The following TAF1 variants were observed in gnomAD, a reference collection of about 807,000 sequenced individuals.
TAF1 encodes the protein transcription initiation factor TFIID subunit 1.
In TAF1, 2 loss-of-function variants were observed where a neutral mutation model predicts 138.5. The ratio of observed to expected loss-of-function variants is 0.01; its 90% CI spans 0.01 to 0.05. The LOEUF (loss-of-function observed/expected upper bound fraction) is 0.05, where lower values mean the gene tolerates loss of function less well. Ranked by LOEUF, TAF1 falls within the 10% of genes least tolerant of loss-of-function variation. The pLI is 1.00. For synonymous variants in TAF1, 437 were observed against 503.2 expected (o/e 0.87, Z 1.76); for missense variants, 709 against 1,478.0 (o/e 0.48, Z 8.53).
In TAF1 at chrX:71,377,206, G is replaced by T. The variant is rs2033538774; in HGVS notation, c.714+15G>T. ...GACCTGGAAAGGTACATTCTGTGGA[G>T]AATGCTCAGATTGCAAACCACTGAC... On this transcript the variant is annotated intron_variant, in intron 5 of 37. Coordinates refer to ENST00000423759, the MANE Select transcript of TAF1 (RefSeq NM_004606.5). The T allele has an allele frequency of 8.3e-7, 1 of 1,209,770 alleles. No individual in the cohort carries two copies. The highest frequency in any genetic ancestry group is 3.0e-5 in the East Asian group (1 of 33,828).
At position 71,460,906 on chromosome X, in the gene TAF1, G is replaced by T. The variant is rs762597822; in HGVS notation, c.5399+103G>T. ...TTTTCATCCATCAAACATTTCCTGG[G>T]CACCTACTAGGGCCAGGCACTGTGC... On this transcript the variant is annotated intron_variant, in intron 37 of 37. Coordinates refer to ENST00000423759, the MANE Select transcript of TAF1 (RefSeq NM_004606.5). 3 of 1,076,136 alleles carry T rather than the reference G, an allele frequency of 2.8e-6. No individual in the cohort carries two copies. In the African/African-American group the frequency reaches 5.5e-5, roughly 20 times the overall value. The allele number at this position is 1,076,136 out of a possible 1,213,427, so 88.7% of individuals were successfully genotyped here. A position where few individuals can be genotyped will look rare whatever the true frequency, so the allele number is the denominator to read the frequency against.
intron 13 of TAF1, among the ~76,000 whole-genome samples, chrX:71,489,590 C>T (rs2039238187): frequency 9.2e-6 from 1 of 109,228 alleles, no homozygotes; most frequent in South Asian, 4.0e-4. Flanking sequence ...GCAGGAGAGT[C>T]GCTTGAACCA....
intron 14 of TAF1, among the ~76,000 whole-genome samples, chrX:71,386,752 A>G (rs1369633553): frequency 8.8e-6 from 1 of 113,004 alleles, no homozygotes; most frequent in Non-Finnish European, 1.9e-5. Context: ...GGCATGAGTC[A>G]CTGTGCCCGG....
chrX:71,407,833 G>A (rs2035554974), intron 27 of TAF1, 141 bp from the exon 28 acceptor site: 1 of 971,234 alleles, frequency 1.0e-6, no homozygotes, highest in Non-Finnish European at 1.4e-6. Context: ...AAGCAGTTTA[G>A]TAGAGGAAAC....
intron 13 of TAF1, among the ~76,000 whole-genome samples, chrX:71,523,989 T>A (rs2039949503): frequency 9.1e-6 from 1 of 110,258 alleles, no homozygotes; most frequent in South Asian, 3.8e-4. Context: ...TCTGCATCAA[T>A]TTGAGAACAA....
intron 34 of TAF1, among the ~76,000 whole-genome samples, chrX:71,456,067 A>T (rs1305301058): frequency 8.9e-6 from 1 of 111,892 alleles, no homozygotes; most frequent in Non-Finnish European, 1.9e-5. Flanking sequence ...GATGTTGCCC[A>T]GGAAGGCCCT....
Position 71,418,926 on chromosome X carries a change from C to T in TAF1, c.4385-2383C>T, listed in dbSNP as rs745992814. Among the ~76,000 whole-genome samples, 7 of 110,925 alleles carry T rather than the reference C, an allele frequency of 6.3e-5. No individual in the cohort carries two copies. In the Admixed American group the frequency reaches 6.7e-4, roughly 11 times the overall value. ...GGGATTACAGGCATGCGCCACCATA[C>T]CCAGCTAATTTTGTATTTTTAGTAG... On this transcript the variant is annotated intron_variant, in intron 28 of 37. Coordinates refer to ENST00000423759, the MANE Select transcript of TAF1 (RefSeq NM_004606.5).
At chrX:71,503,791 C>G (rs1225944659) in intron 13 of TAF1, among the ~76,000 whole-genome samples, 1 of 109,788 alleles carries the variant, frequency 9.1e-6, no homozygotes, top group Non-Finnish European at 1.9e-5. Context: ...CTGTTTCCTT[C>G]TCTTCCCTCC....
intron 13 of TAF1, among the ~76,000 whole-genome samples, chrX:71,474,072 G>A (rs1387158851): frequency 9.0e-6 from 1 of 110,768 alleles, no homozygotes; most frequent in African/African-American, 3.3e-5. Flanking sequence ...TTGAAACCGG[G>A]AAGCAGAGGT....
intron 4 of TAF1, 77 bp downstream of exon 4, chrX:71,375,363 G>T: frequency 9.0e-7 from 1 of 1,111,911 alleles, no homozygotes; most frequent in Non-Finnish European, 1.2e-6. Context: ...CACACATAAG[G>T]GACAAACTTA....
At chrX:71,501,499 AC>A (rs1238875460) in intron 13 of TAF1, among the ~76,000 whole-genome samples, 1 of 111,202 alleles carries the variant, frequency 9.0e-6, no homozygotes, top group African/African-American at 3.3e-5. Flanking sequence ...AGGCCTTAGG[AC>A]CCAGGAGGCA....
intron 32 of TAF1, among the ~76,000 whole-genome samples, chrX:71,446,704 AAAAAT>A (rs1424608102): frequency 8.9e-6 from 1 of 112,260 alleles, no homozygotes; most frequent in African/African-American, 3.2e-5. Flanking sequence ...ATTTTTGAGA[AAAAAT>A]AAAAACATTT....
intron 13 of TAF1, among the ~76,000 whole-genome samples, chrX:71,483,139 T>G (rs964824827): frequency 8.8e-5 from 9 of 102,777 alleles, no homozygotes; most frequent in Non-Finnish European, 7.9e-5. Flanking sequence ...CTGGCTTTTT[T>G]TTTTTTCTTT....
intron 13 of TAF1, chrX:71,492,703 C>CA (rs1343509203): frequency 1.7e-5 from 2 of 116,153 alleles, no homozygotes; most frequent in Non-Finnish European, 3.6e-5. Flanking sequence ...GCGCGCAGTC[C>CA]GTGTCGCGGC....
At chrX:71,366,896 T>C (rs779359934) in intron 1 of TAF1, among the ~76,000 whole-genome samples, 87 of 111,759 alleles carry the variant, frequency 7.8e-4, no homozygotes, top group African/African-American at 2.7e-3. Context: ...GGACAGGACC[T>C]GCCTCCCGCT....
chrX:71,462,819 C>T (rs2038608765), intron 37 of TAF1, among the ~76,000 whole-genome samples: 1 of 111,432 alleles, frequency 9.0e-6, no homozygotes, highest in Admixed American at 9.6e-5. Context: ...TAAAAACGTG[C>T]ATCCCCTTTG....
chrX:71,423,763 C>T (rs1047215913), intron 30 of TAF1, among the ~76,000 whole-genome samples: 3 of 111,969 alleles, frequency 2.7e-5, no homozygotes, highest in Non-Finnish European at 5.6e-5. Context: ...TATGACTATA[C>T]AGCAAGTGTT....
chrX:71,489,067 A>G (rs1024800103), intron 13 of TAF1, among the ~76,000 whole-genome samples: 13 of 97,877 alleles, frequency 1.3e-4, no homozygotes, highest in African/African-American at 2.6e-4. Flanking sequence ...ACTCTGTCTG[A>G]AAAAAAAAAA....
chrX:71,373,410 C>T (rs1195725495), intron 3 of TAF1, among the ~76,000 whole-genome samples: 3 of 110,343 alleles, frequency 2.7e-5, no homozygotes, highest in African/African-American at 6.6e-5. Flanking sequence ...TCAGGCAATC[C>T]GCTCGCCTCA....
Sources: gnomAD v4.1 joint callset for allele counts (sites outside exome capture counted in the v4.1 genomes callset) on GRCh38, gnomAD v4.1.1 for gene constraint, MANE v1.5 for transcripts, NCBI Gene and HGNC (gene_info 2026-07-23, HGNC 2026-07-21) for gene names.